Variants in C6orf163 observed in about 807,000 individuals in gnomAD.
C6orf163 encodes the protein uncharacterized protein C6orf163.
Under a neutral mutation model 28.4 loss-of-function variants are expected in C6orf163, and 22 were observed. The observed-to-expected ratio is 0.78, with a 90% CI of 0.55 to 1.11. The LOEUF (loss-of-function observed/expected upper bound fraction) is 1.11. Among genes scored for constraint, C6orf163 ranks in the 50% least tolerant of loss-of-function variants. The pLI is 0.00. For missense variants in C6orf163, 342 were observed against 389.1 expected, an observed-to-expected ratio of 0.88 and a Z score of 1.02; for synonymous variants, 110 against 123.6, an observed-to-expected ratio of 0.89 and a Z score of 0.73.
At chr6:87,364,316 G>A (rs1356317240) in intron 4 of C6orf163, among the ~76,000 whole-genome samples, 1 of 152,028 alleles carries the variant, frequency 6.6e-6, no homozygotes, top group African/African-American at 2.4e-5. Context: ...TTCTTCTCAT[G>A]AAATATTTCA....
intron 3 of C6orf163, among the ~76,000 whole-genome samples, chr6:87,353,130 T>C (rs1459156000): frequency 6.6e-6 from 1 of 152,196 alleles, no homozygotes; most frequent in Non-Finnish European, 1.5e-5. Flanking sequence ...TTTTATTAAA[T>C]CATTACATAA....
Position 87,356,375 on chromosome 6 carries a change from A to G in C6orf163, c.426A>G (p.Ala142=), listed in dbSNP as rs372330350. 7.9e-5 allele frequency: 123 copies of G among 1,551,778 alleles called. 1 individual carries two copies. The South Asian group carries it at 1.1e-3, about 14-fold the overall frequency. Residue 142 remains alanine, a synonymous_variant, in exon 4 of 5, where the codon GCA becomes GCG. Coordinates refer to ENST00000388923, the MANE Select transcript of C6orf163 (RefSeq NM_001010868.3). ...AAATGAAGAGAGAGCACTTGGCTGC[A>G]GAACAGCGCATGGTCCACAGAATCC... The part of the protein sequence containing the change: ...DDEMKREHLA[A]EQRMVHRIQR...
intron 4 of C6orf163, 81 bp downstream of exon 4, chr6:87,356,584 T>A: frequency 8.0e-7 from 1 of 1,253,156 alleles, no homozygotes. Flanking sequence ...TTACAGTACA[T>A]AGGTAGATAT....
chr6:87,355,569 AC>A (rs1777487817), intron 3 of C6orf163, among the ~76,000 whole-genome samples: 1 of 152,164 alleles, frequency 6.6e-6, no homozygotes, highest in African/African-American at 2.4e-5. Context: ...TCAAAAAAAA[AC>A]AATTACCTTT....
At chr6:87,353,897 G>T (rs1017432941) in intron 3 of C6orf163, among the ~76,000 whole-genome samples, 1 of 152,260 alleles carries the variant, frequency 6.6e-6, no homozygotes, top group East Asian at 1.9e-4. Flanking sequence ...TGTAGCCCAC[G>T]CAGGAGTGCA....
At chr6:87,347,692 A>G in intron 1 of C6orf163, 1 of 985,404 alleles carries the variant, frequency 1.0e-6, no homozygotes, top group Non-Finnish European at 1.2e-6. Context: ...GACTCTTTTA[A>G]CAGAGAAACC....
intron 4 of C6orf163, chr6:87,356,761 G>A (rs543410766): frequency 1.3e-5 from 5 of 392,456 alleles, no homozygotes; most frequent in African/African-American, 6.0e-5. Flanking sequence ...TAAAGCTCTC[G>A]TGTGTTCTTC....
chr6:87,351,627 A>C (rs118158272), intron 3 of C6orf163, among the ~76,000 whole-genome samples: 5,508 of 152,318 alleles, frequency 0.036, 118 homozygotes, highest in Non-Finnish European at 0.055. Flanking sequence ...CATTTATAGC[A>C]TGTCTTAGGC....
rs973168526 is a variant in C6orf163, at chr6:87,347,340, G to C, written c.149-1472G>C. 3 of 931,244 alleles carry C rather than the reference G, an allele frequency of 3.2e-6. No homozygotes were observed. In the African/African-American group the frequency reaches 5.4e-5, roughly 17 times the overall value. 57.7% of individuals were successfully genotyped at this position (931,244 alleles called of 1,614,324 possible). On this transcript the variant is annotated intron_variant, in intron 1 of 4. Coordinates refer to ENST00000388923, the MANE Select transcript of C6orf163 (RefSeq NM_001010868.3). Reference sequence around the variant, plus strand: ...GCATTTTTAAAAAAAGCTTTGCAGGGATCCTGTTGTACAATCAGGGTTGAG... The same window carrying C: ...GCATTTTTAAAAAAAGCTTTGCAGGCATCCTGTTGTACAATCAGGGTTGAG...
intron 4 of C6orf163, chr6:87,356,731 G>A (rs555320475): frequency 2.8e-5 from 13 of 460,164 alleles, no homozygotes; most frequent in African/African-American, 2.5e-4. Flanking sequence ...CAGCTTAAGG[G>A]ATTGAAAATT....
chr6:87,355,253 C>T (rs586771), intron 3 of C6orf163, among the ~76,000 whole-genome samples: 65,581 of 152,040 alleles, frequency 0.43, 14,490 homozygotes, highest in Non-Finnish European at 0.48. Flanking sequence ...GATGTCTTCC[C>T]AAATAGAGAT....
At position 87,361,611 on chromosome 6, in the gene C6orf163, A is replaced by G. The variant is rs538980772; in HGVS notation, c.555-3350A>G. Among the ~76,000 whole-genome samples, 28 of 152,254 alleles carry G rather than the reference A, an allele frequency of 1.8e-4. 2 individuals are homozygous for G. Among genetic ancestry groups the G allele is most frequent in the African/African-American group, 6.3e-4 (26 of 41,556 alleles). On this transcript the variant is annotated intron_variant, in intron 4 of 4. Transcript: ENST00000388923. Reference sequence around the variant, plus strand: ...TTGGTCCCTGGTCATCACCCTGACAATCTCATCAACAGCCTGAGGATGTTA... The same window carrying G: ...TTGGTCCCTGGTCATCACCCTGACAGTCTCATCAACAGCCTGAGGATGTTA...
chr6:87,349,111 G>C (rs1255492200), intron 2 of C6orf163, among the ~76,000 whole-genome samples: 1 of 152,132 alleles, frequency 6.6e-6, no homozygotes, highest in Non-Finnish European at 1.5e-5. Context: ...TGGGATAGTT[G>C]GGAGGGTTCA....
chr6:87,363,809 G>T (rs199565047), intron 4 of C6orf163, among the ~76,000 whole-genome samples: 4 of 152,052 alleles, frequency 2.6e-5, no homozygotes, highest in Non-Finnish European at 5.9e-5. Context: ...ATAAACATAC[G>T]TGTGCATGTG....
chr6:87,361,597 T>C (rs1399180014), intron 4 of C6orf163, among the ~76,000 whole-genome samples: 1 of 152,174 alleles, frequency 6.6e-6, no homozygotes, highest in Admixed American at 6.5e-5. Flanking sequence ...TGGTCCCTGG[T>C]CATCACCCTG....
intron 4 of C6orf163, among the ~76,000 whole-genome samples, chr6:87,360,398 ATTTT>A (rs10625675): frequency 7.2e-6 from 1 of 138,136 alleles, no homozygotes. Flanking sequence ...TTAAGCATGA[ATTTT>A]TTTTTTTTTT....
intron 4 of C6orf163, among the ~76,000 whole-genome samples, chr6:87,359,567 C>T (rs760019039): frequency 6.6e-6 from 1 of 152,164 alleles, no homozygotes; most frequent in Non-Finnish European, 1.5e-5. Flanking sequence ...TCCTATAGTT[C>T]TAATGAAAAG....
intron 4 of C6orf163, chr6:87,357,749 C>G (rs1485221511): frequency 6.6e-6 from 1 of 151,168 alleles, no homozygotes; most frequent in Non-Finnish European, 1.5e-5. Context: ...CCTCTGGGTC[C>G]CCTCCTCACA....
In C6orf163 at chr6:87,365,460, A is replaced by T; in HGVS notation, c.*64A>T. Reference sequence around the variant, plus strand: ...CCAGACTAAATAAATTTACTCAAAAACCATGTATTGATTCCCCAGCCTTGT... The same window carrying T: ...CCAGACTAAATAAATTTACTCAAAATCCATGTATTGATTCCCCAGCCTTGT... On this transcript the variant is annotated 3_prime_UTR_variant, in exon 5 of 5. Transcript: ENST00000388923. The T allele has an allele frequency of 2.6e-6, 3 of 1,136,624 alleles. No homozygotes were observed. Among genetic ancestry groups the T allele is most frequent in the Non-Finnish European group, 3.7e-6 (3 of 812,550 alleles). The allele number at this position is 1,136,624 out of a possible 1,614,324, so 70.4% of individuals were successfully genotyped here. A position where few individuals can be genotyped will look rare whatever the true frequency, so the allele number is the denominator to read the frequency against.
Sources: allele counts gnomAD v4.1 joint callset (sites outside exome capture counted in the v4.1 genomes callset), GRCh38; gene constraint gnomAD v4.1.1; transcripts MANE v1.5; gene names NCBI Gene and HGNC (gene_info 2026-07-23, HGNC 2026-07-21).